Variants in ATL1 observed in about 807,000 individuals in gnomAD.
ATL1 encodes the protein atlastin-1.
A neutral mutation model predicts 75.5 loss-of-function variants in ATL1; 31 were observed. The ratio of observed to expected loss-of-function variants is 0.41; its 90% CI spans 0.31 to 0.55. The LOEUF (loss-of-function observed/expected upper bound fraction) is 0.55, where lower values mean the gene tolerates loss of function less well. Ranked by LOEUF, ATL1 falls within the 20% of genes least tolerant of loss-of-function variation. The pLI, the probability that ATL1 is intolerant of heterozygous loss-of-function variation, is 0.27. For synonymous variants in ATL1, 226 were observed against 233.3 expected (o/e 0.97, Z 0.28); for missense variants, 405 against 662.6 (o/e 0.61, Z 4.27).
At chr14:50,574,212 T>A (rs2140187947) in intron 1 of ATL1, among the ~76,000 whole-genome samples, 2 of 152,338 alleles carry the variant, frequency 1.3e-5, no homozygotes, top group South Asian at 4.1e-4. Flanking sequence ...TGTCCACAAA[T>A]TGGTGTAGTT....
chr14:50,576,824 G>A (rs1334879926), intron 1 of ATL1, among the ~76,000 whole-genome samples: 1 of 152,096 alleles, frequency 6.6e-6, no homozygotes, highest in Non-Finnish European at 1.5e-5. Flanking sequence ...CGATCCTCCT[G>A]CCTCACCTTC....
At chr14:50,559,922 A>G (rs1354066848), upstream of ATL1, 4 of 375,928 alleles carry the variant, frequency 1.1e-5, no homozygotes, top group African/African-American at 8.2e-5. Context: ...ATTCTTTGAG[A>G]GTGTGTTCGA....
chr14:50,584,148 G>T (rs1403076151), intron 1 of ATL1, among the ~76,000 whole-genome samples: 1 of 152,124 alleles, frequency 6.6e-6, no homozygotes, highest in African/African-American at 2.4e-5. Context: ...GCCAAGGCAC[G>T]TGGATCACTT....
intron 13 of ATL1, chr14:50,630,819 C>A: frequency 2.9e-6 from 1 of 343,430 alleles, no homozygotes; most frequent in Non-Finnish European, 5.7e-6. Context: ...CAAATTTCAG[C>A]TTTGTAAATC....
intron 1 of ATL1, among the ~76,000 whole-genome samples, chr14:50,570,540 GT>G (rs749366324): frequency 1.3e-5 from 2 of 152,028 alleles, no homozygotes; most frequent in Non-Finnish European, 2.9e-5. Flanking sequence ...CTTGCTCAGT[GT>G]GGAATTTCTT....
chr14:50,617,158 A>G (rs2039423433), intron 8 of ATL1, among the ~76,000 whole-genome samples: 1 of 152,200 alleles, frequency 6.6e-6, no homozygotes, highest in South Asian at 2.1e-4. Context: ...TGCAATTATT[A>G]TTGTCTTACC....
upstream of ATL1, among the ~76,000 whole-genome samples, chr14:50,557,217 A>T (rs1356353217): frequency 6.6e-6 from 1 of 152,232 alleles, no homozygotes; most frequent in Non-Finnish European, 1.5e-5. Flanking sequence ...AATGTGAAAC[A>T]TTACTGTTCT....
chr14:50,622,535 G>A (rs1052568333), intron 10 of ATL1, among the ~76,000 whole-genome samples: 14 of 151,756 alleles, frequency 9.2e-5, no homozygotes, highest in South Asian at 6.2e-4. Flanking sequence ...GCGTGGTGGC[G>A]CAAGCCTGTA....
In ATL1 at chr14:50,628,216, C is replaced by G; in HGVS notation, c.1305C>G (p.His435Gln). The G allele has an allele frequency of 6.2e-7, 1 of 1,614,140 alleles. No individual in the cohort carries two copies. The highest frequency in any genetic ancestry group is 8.5e-7 in the Non-Finnish European group (1 of 1,180,036). Residue 435 changes from histidine to glutamine, a missense_variant, in exon 12 of 14, where the codon CAC becomes CAG. This residue lies in a region of ATL1 where 163 missense variants were observed against 244.1 expected (regional missense o/e 0.67). Transcript: ENST00000358385. ...AACTTTACATCCAATATATCAAGCA[C>G]AATGATAGCAAAAATATCTTCCATG... ...IDELYIQYIK[H>Q]NDSKNIFHAA...
chr14:50,545,867 T>A (rs2038624928), intron 1 of ATL1, among the ~76,000 whole-genome samples: 1 of 152,216 alleles, frequency 6.6e-6, no homozygotes. Flanking sequence ...TGCACCTTTT[T>A]AAACTGATGG....
At chr14:50,602,723 C>A (rs1409213502) in intron 6 of ATL1, among the ~76,000 whole-genome samples, 1 of 151,998 alleles carries the variant, frequency 6.6e-6, no homozygotes, top group Non-Finnish European at 1.5e-5. Flanking sequence ...GATTTCTGGA[C>A]CTTTTTGAGG....
At chr14:50,629,597 A>AC (rs1335201607) in intron 12 of ATL1, among the ~76,000 whole-genome samples, 1 of 152,124 alleles carries the variant, frequency 6.6e-6, no homozygotes, top group Middle Eastern at 3.4e-3. Flanking sequence ...AAAAAAAAAA[A>AC]AAACCCTACT....
At chr14:50,533,324 A>G (rs1271084183) in exon 1 of ATL1, 4 of 152,002 alleles carry the variant, frequency 2.6e-5, no homozygotes, top group African/African-American at 2.4e-5. Flanking sequence ...ACAAAACAGC[A>G]TATTTGGCAA....
chr14:50,593,854 C>A lies in ATL1; in HGVS notation c.531C>A (p.Asn177Lys). The change falls in exon 5 of 14, where the codon AAC becomes AAA. Residue 177 changes from asparagine (N) to lysine (K), a missense_variant. By Grantham distance (94) the Asn-to-Lys change is moderately conservative. This residue lies in a region of ATL1 where 59 missense variants were observed against 161.4 expected (regional missense o/e 0.37). Transcript: ENST00000358385. Reference protein sequence around the residue: ...STMISSIQVYNLSQNVQEDDL... With the variant: ...STMISSIQVYKLSQNVQEDDL... ...TTTATTTCTTTATCAAGGTATATAACTTATCCCAAAATGTCCAGGAGGATG... is the reference window on the plus strand; with the variant it reads ...TTTATTTCTTTATCAAGGTATATAAATTATCCCAAAATGTCCAGGAGGATG... 1 of 1,601,842 alleles carries A rather than the reference C, an allele frequency of 6.2e-7. No individual in the cohort carries two copies. Among genetic ancestry groups the A allele is most frequent in the Non-Finnish European group, 8.6e-7 (1 of 1,169,198 alleles).
rs2039057706 is a variant in ATL1, at chr14:50,581,822, G to A, written c.35-6009G>A. Among the ~76,000 whole-genome samples the A allele has an allele frequency of 2.6e-5, 4 of 152,208 alleles. No homozygotes were observed. The South Asian group carries it at 8.3e-4, about 32-fold the overall frequency. ...ACTAGATGTCAGATAGGTAAGGCTG[G>A]CTACTGGCTAATGATGCTGTTCAAA... On this transcript the variant is annotated intron_variant, in intron 1 of 13. Coordinates refer to ENST00000358385, the MANE Select transcript of ATL1 (RefSeq NM_015915.5).
chr14:50,534,012 A>G (rs1166687516), intron 1 of ATL1, among the ~76,000 whole-genome samples: 2 of 152,178 alleles, frequency 1.3e-5, no homozygotes, highest in Non-Finnish European at 2.9e-5. Context: ...TCTTTCAAAG[A>G]TTCTTGGCAC....
intron 11 of ATL1, 125 bp downstream of exon 11, chr14:50,623,373 AG>A: frequency 1.4e-6 from 1 of 708,114 alleles, no homozygotes; most frequent in Non-Finnish European, 2.5e-6. Flanking sequence ...CTTTTTCCTC[AG>A]CCTGTATCAC....
rs1184043835 is a variant in ATL1, at chr14:50,620,678, G to A, written c.942G>A (p.Glu314=). The change falls in exon 9 of 14, where the codon GAG becomes GAA. Residue 314 remains glutamate, a synonymous_variant. Transcript: ENST00000358385. The part of the protein sequence containing the change: ...LLSPESLDIK[E]INGNKITCRG... ...GTCCCGAGAGCCTAGATATTAAAGA[G>A]ATCAATGGGAATAAAATCACCTGCC... The A allele has an allele frequency of 1.2e-6, 2 of 1,613,792 alleles. No homozygotes were observed. Among genetic ancestry groups the A allele is most frequent in the East Asian group, 2.2e-5 (1 of 44,862 alleles).
At chr14:50,621,665 A>G (rs2039467950) in intron 9 of ATL1, among the ~76,000 whole-genome samples, 178 bp from the exon 10 acceptor site, 2 of 152,360 alleles carry the variant, frequency 1.3e-5, no homozygotes, top group South Asian at 2.1e-4. Context: ...AAGGCATTTC[A>G]GGAAAGGGAA....
Sources: gnomAD v4.1 joint callset for allele counts (sites outside exome capture counted in the v4.1 genomes callset) on GRCh38, gnomAD v4.1.1 for gene constraint, gnomAD v4.1.1 regional missense constraint, MANE v1.5 for transcripts, NCBI Gene and HGNC (gene_info 2026-07-23, HGNC 2026-07-21) for gene names.